The following ART3 variants were observed in gnomAD, a reference collection of about 807,000 sequenced individuals.
ART3 encodes the protein ADP-ribosyltransferase 3 (inactive), also known as ecto-ADP-ribosyltransferase 3.
In ART3, 49 loss-of-function variants were observed where a neutral mutation model predicts 48.5. The ratio of observed to expected loss-of-function variants is 1.01; its 90% confidence interval spans 0.80 to 1.28. The LOEUF (loss-of-function observed/expected upper bound fraction) is 1.28, where lower values mean the gene tolerates loss of function less well. Among genes scored for constraint, ART3 ranks in the 50% most tolerant of loss-of-function variants. ART3 has a pLI of 0.00. For missense variants in ART3, 438 were observed against 454.3 expected (o/e 0.96, Z 0.33); for synonymous variants, 145 against 157.2 (o/e 0.92, Z 0.58).
intron 1 of ART3, among the ~76,000 whole-genome samples, chr4:76,046,837 A>T (rs1441489823): frequency 6.6e-6 from 1 of 152,090 alleles, no homozygotes; most frequent in African/African-American, 2.4e-5. Flanking sequence ...ACCTGGTTAC[A>T]GGCTGTCCCA....
At chr4:76,053,630 A>G (rs1736345183) in intron 1 of ART3, among the ~76,000 whole-genome samples, 2 of 152,250 alleles carry the variant, frequency 1.3e-5, no homozygotes, top group African/African-American at 4.8e-5. Flanking sequence ...AAAAAAGAAT[A>G]TGGGTTTAAA....
At chr4:76,042,993 A>G (rs895221021) in intron 1 of ART3, among the ~76,000 whole-genome samples, 2 of 151,724 alleles carry the variant, frequency 1.3e-5, no homozygotes, top group East Asian at 1.9e-4. Context: ...CCACATCCCC[A>G]CCAGATTAGC....
At chr4:76,109,363 C>T (rs959688725) in intron 11 of ART3, among the ~76,000 whole-genome samples, 6 of 152,002 alleles carry the variant, frequency 3.9e-5, no homozygotes, top group South Asian at 4.2e-4. Context: ...ACATCTTGTT[C>T]CACTGGAAGG....
At chr4:76,108,959 G>T (rs562262600) in intron 11 of ART3, among the ~76,000 whole-genome samples, 1 of 152,264 alleles carries the variant, frequency 6.6e-6, no homozygotes, top group East Asian at 1.9e-4. Flanking sequence ...AATGGAGCTT[G>T]TAGGCCCAGA....
At chr4:76,031,379 A>C (rs989938170) in intron 1 of ART3, among the ~76,000 whole-genome samples, 2 of 152,196 alleles carry the variant, frequency 1.3e-5, no homozygotes, top group Non-Finnish European at 1.5e-5. Context: ...AATTGTAAAG[A>C]TGATATGAGA....
At chr4:76,057,023 ATTAG>A (rs371511613) in intron 1 of ART3, among the ~76,000 whole-genome samples, 113 of 152,252 alleles carry the variant, frequency 7.4e-4, no homozygotes, top group African/African-American at 2.6e-3. Flanking sequence ...AAGAGTATTG[ATTAG>A]TTATTTTATC....
chr4:76,107,162 G>C (rs1169914519), intron 10 of ART3: 1 of 152,178 alleles, frequency 6.6e-6, no homozygotes, highest in African/African-American at 2.4e-5. Context: ...GGTTGGGTGA[G>C]TTAAATGCAT....
At chr4:76,107,220 A>T (rs1018729388) in intron 10 of ART3, 3 of 152,102 alleles carry the variant, frequency 2.0e-5, no homozygotes, top group African/African-American at 7.2e-5. Flanking sequence ...TTGAGACACA[A>T]CCCCATCATA....
At chr4:76,061,743 G>A (rs934581937) in intron 1 of ART3, among the ~76,000 whole-genome samples, 1 of 152,152 alleles carries the variant, frequency 6.6e-6, no homozygotes, top group African/African-American at 2.4e-5. Flanking sequence ...TGCCATCAGT[G>A]CCTTGTACAT....
chr4:76,020,270 A>AT (rs915693130), intron 1 of ART3, among the ~76,000 whole-genome samples: 11 of 151,488 alleles, frequency 7.3e-5, no homozygotes, highest in South Asian at 6.3e-4. Flanking sequence ...AAAAAAATAT[A>AT]TTTTTTTTGG....
At chr4:76,016,062 A>G (rs1024013271) in intron 1 of ART3, among the ~76,000 whole-genome samples, 10 of 152,218 alleles carry the variant, frequency 6.6e-5, no homozygotes, top group African/African-American at 1.7e-4. Flanking sequence ...TACTGGCCTT[A>G]TAGAATGAGT....
chr4:76,056,802 C>CT lies in ART3; in HGVS notation c.-9-19078dup, dbSNP rs1456553500. 2.0e-5 allele frequency among the ~76,000 whole-genome samples: 3 copies of CT among 152,240 alleles called. No individual in the cohort carries two copies. In the East Asian group the frequency reaches 5.8e-4, roughly 29 times the overall value. Reference sequence around the variant, plus strand: ...TCATAATGAACTTGAAATACAGATTCTAAGTATCATGAGAAAAATCTTGGT... The same window carrying CT: ...TCATAATGAACTTGAAATACAGATTCTTAAGTATCATGAGAAAAATCTTGGT... On this transcript the variant is annotated intron_variant, in intron 1 of 9. Coordinates refer to the ART3 transcript ENST00000341029.
At chr4:76,044,651 C>T (rs4859604) in intron 1 of ART3, among the ~76,000 whole-genome samples, 93,365 of 151,378 alleles carry the variant, frequency 0.62, 30,101 homozygotes, top group East Asian at 0.94. Flanking sequence ...GTGTCTGTCC[C>T]TCTTTCTGAC....
At chr4:76,086,600 C>T (rs368605616) in intron 3 of ART3, among the ~76,000 whole-genome samples, 1 of 152,130 alleles carries the variant, frequency 6.6e-6, no homozygotes, top group African/African-American at 2.4e-5. Context: ...GATTTTAGCT[C>T]TCTTGCTACA....
intron 2 of ART3, among the ~76,000 whole-genome samples, chr4:76,079,252 C>T (rs1420216727): frequency 2.7e-5 from 4 of 150,516 alleles, no homozygotes; most frequent in Non-Finnish European, 5.9e-5. Flanking sequence ...TAGTGCCTGG[C>T]ATATAGAAAG....
At chr4:76,098,897 A>C in intron 4 of ART3, 58 bp from the exon 5 acceptor site, 1 of 1,403,294 alleles carries the variant, frequency 7.1e-7, no homozygotes, top group Non-Finnish European at 1.0e-6. Context: ...AAATAGACTG[A>C]TCCTGACATT....
intron 3 of ART3, among the ~76,000 whole-genome samples, chr4:76,086,744 AG>A (rs1161353626): frequency 1.3e-5 from 2 of 152,214 alleles, no homozygotes; most frequent in African/African-American, 4.8e-5. Context: ...AAAAAAGGAA[AG>A]GTGCTCATTC....
rs150199102 is a variant in ART3, at chr4:76,066,656, G to A, written c.-9-9225G>A. Among the ~76,000 whole-genome samples the A allele has an allele frequency of 7.9e-3, 1,195 of 152,168 alleles. 8 individuals carry two copies. The highest frequency in any genetic ancestry group is 0.024 in the Middle Eastern group (7 of 294). On this transcript the variant is annotated intron_variant, in intron 1 of 9. Coordinates refer to the ART3 transcript ENST00000341029. ...CTCAGAGGGGAGGAAGTGCACACTG[G>A]TTGGCCCATGGGTGGTCATGGGCAG...
intron 3 of ART3, among the ~76,000 whole-genome samples, chr4:76,084,264 A>G (rs545203034): frequency 6.6e-6 from 1 of 152,020 alleles, no homozygotes; most frequent in South Asian, 2.1e-4. Context: ...TGGATTTGCA[A>G]CTCTTTCTTG....
Sources: gnomAD v4.1 joint callset for allele counts (sites outside exome capture counted in the v4.1 genomes callset) on GRCh38, gnomAD v4.1.1 for gene constraint, MANE v1.5 for transcripts, NCBI Gene and HGNC (gene_info 2026-07-23, HGNC 2026-07-21) for gene names.